The following NOVA1 variants were observed in gnomAD, a reference collection of about 807,000 sequenced individuals.
NOVA1 encodes the protein RNA-binding protein Nova-1.
NOVA1 carries 7 observed loss-of-function variants against 38.0 expected under a neutral mutation model. That is an observed-to-expected ratio of 0.18 (90% CI 0.10 to 0.35). NOVA1 has a LOEUF of 0.35. NOVA1 is among the 10% of genes least tolerant of loss of function. The pLI, the probability that NOVA1 is intolerant of heterozygous loss-of-function variation, is 1.00. For missense variants in NOVA1, 460 were observed against 616.0 expected (o/e 0.75, Z 2.68); for synonymous variants, 270 against 232.5 (o/e 1.16, Z -1.47).
At chr14:26,596,610 T>A (rs1272621248) in intron 1 of NOVA1, 1 of 1,289,110 alleles carries the variant, frequency 7.8e-7, no homozygotes, top group South Asian at 1.2e-5. Context: ...TTAAGATGAT[T>A]CCAGTGCAAA....
chr14:26,590,533 T>A (rs1594592861), intron 2 of NOVA1, among the ~76,000 whole-genome samples: 2 of 151,992 alleles, frequency 1.3e-5, no homozygotes, highest in South Asian at 2.1e-4. Flanking sequence ...AATAATTTTT[T>A]AAAAAATTAA....
chr14:26,476,449 A>T (rs1884992132), intron 3 of NOVA1, among the ~76,000 whole-genome samples: 1 of 152,130 alleles, frequency 6.6e-6, no homozygotes, highest in Admixed American at 6.5e-5. Context: ...GCTCCCTAAC[A>T]TCTATCTAAC....
At chr14:26,560,302 T>C (rs1327004967) in intron 2 of NOVA1, among the ~76,000 whole-genome samples, 1 of 152,132 alleles carries the variant, frequency 6.6e-6, no homozygotes, top group Non-Finnish European at 1.5e-5. Context: ...TCAGTAATTG[T>C]ATAAATTTAG....
intron 2 of NOVA1, among the ~76,000 whole-genome samples, chr14:26,546,083 ATC>A (rs1890773410): frequency 4.6e-5 from 7 of 152,142 alleles, no homozygotes; most frequent in Admixed American, 4.6e-4. Context: ...TGAGTATTAT[ATC>A]TCCATTAATC....
At chr14:26,560,270 T>C (rs1891741678) in intron 2 of NOVA1, among the ~76,000 whole-genome samples, 1 of 152,134 alleles carries the variant, frequency 6.6e-6, no homozygotes, top group South Asian at 2.1e-4. Context: ...TACCACAAAG[T>C]TGTGGAAATG....
chr14:26,594,633 T>C (rs968755961), intron 2 of NOVA1: 2 of 151,900 alleles, frequency 1.3e-5, no homozygotes, highest in African/African-American at 4.8e-5. Flanking sequence ...AAAATACATA[T>C]AGTGATTAGC....
chr14:26,587,608 G>A (rs1471091154), intron 2 of NOVA1, among the ~76,000 whole-genome samples: 2 of 151,018 alleles, frequency 1.3e-5, no homozygotes, highest in East Asian at 3.9e-4. Flanking sequence ...AAAAACATGG[G>A]TTATCCAAAG....
At chr14:26,584,301 T>G (rs1893391730) in intron 2 of NOVA1, among the ~76,000 whole-genome samples, 1 of 151,464 alleles carries the variant, frequency 6.6e-6, no homozygotes. Context: ...TTCTATTTCC[T>G]AAGCAGAAAG....
intron 2 of NOVA1, among the ~76,000 whole-genome samples, chr14:26,554,376 C>A (rs2138656529): frequency 6.6e-6 from 1 of 152,048 alleles, no homozygotes; most frequent in Non-Finnish European, 1.5e-5. Context: ...CAAAACAGAT[C>A]ATTCTCCACT....
chr14:26,508,296 C>T (rs1887795110), intron 2 of NOVA1, among the ~76,000 whole-genome samples: 1 of 151,846 alleles, frequency 6.6e-6, no homozygotes, highest in Non-Finnish European at 1.5e-5. Flanking sequence ...ATATAATTTT[C>T]CTAAGTGTTG....
intron 2 of NOVA1, among the ~76,000 whole-genome samples, chr14:26,527,504 CA>C (rs979733985): frequency 2.0e-5 from 3 of 150,458 alleles, no homozygotes; most frequent in African/African-American, 7.3e-5. Flanking sequence ...CAAAACAAAA[CA>C]AACAAATAAA....
In NOVA1 at chr14:26,446,709, A is replaced by G. The variant is rs1187568459; in HGVS notation, c.*1250T>C. On this transcript the variant is annotated 3_prime_UTR_variant, in exon 5 of 5. Transcript: ENST00000539517. The stretch of plus-strand genomic sequence containing the variant: ...CAGGAGAGGTACAGAAGAGGGTGAC[A>G]GTTGTTGGGTCTTGGGAACAAAGGC... The G allele has an allele frequency of 6.5e-6, 1 of 152,698 alleles. No individual in the cohort carries two copies. Among genetic ancestry groups the G allele is most frequent in the Non-Finnish European group, 1.5e-5 (1 of 68,126 alleles). The allele number at this position is 152,698 out of a possible 1,614,324, so 9.5% of individuals were successfully genotyped here. A position where few individuals can be genotyped will look rare whatever the true frequency, so the allele number is the denominator to read the frequency against.
intron 2 of NOVA1, among the ~76,000 whole-genome samples, chr14:26,530,077 G>A (rs981198609): frequency 6.6e-6 from 1 of 152,044 alleles, no homozygotes. Context: ...CCGCCACCAC[G>A]CCTGGCTAAT....
At chr14:26,471,161 C>T (rs17111266) in intron 4 of NOVA1, among the ~76,000 whole-genome samples, 3,656 of 151,974 alleles carry the variant, frequency 0.024, 146 homozygotes, top group African/African-American at 0.084. Flanking sequence ...GAAGGGAACG[C>T]TATTGCATAA....
intron 2 of NOVA1, among the ~76,000 whole-genome samples, chr14:26,524,648 T>C (rs769677833): frequency 4.6e-5 from 7 of 152,138 alleles, no homozygotes; most frequent in African/African-American, 1.4e-4. Context: ...TGTCAGAATA[T>C]TCAGTAAGTT....
Position 26,511,050 on chromosome 14 carries a change from T to C in NOVA1, c.281-30907A>G. Among the ~76,000 whole-genome samples, 5 of 152,028 alleles carry C rather than the reference T, an allele frequency of 3.3e-5. No homozygotes were observed. In the South Asian group the frequency reaches 1.0e-3, roughly 32 times the overall value. On this transcript the variant is annotated intron_variant, in intron 2 of 4. Transcript: ENST00000539517. ...TGCTGCAAATACACATTCAGTTAAC[T>C]GTACTGTGTCCTCCATAAGAACGTA...
intron 2 of NOVA1, among the ~76,000 whole-genome samples, chr14:26,531,398 G>A (rs748769169): frequency 2.0e-5 from 3 of 151,944 alleles, no homozygotes; most frequent in Non-Finnish European, 2.9e-5. Flanking sequence ...ACCTGAGGTC[G>A]GGAGTTTGAG....
chr14:26,590,359 A>G (rs564449662), intron 2 of NOVA1, among the ~76,000 whole-genome samples: 1 of 152,070 alleles, frequency 6.6e-6, no homozygotes, highest in South Asian at 2.1e-4. Context: ...TTTGAAAAGC[A>G]GAACTTACTC....
intron 2 of NOVA1, among the ~76,000 whole-genome samples, chr14:26,576,986 G>A (rs896396262): frequency 1.3e-5 from 2 of 151,742 alleles, no homozygotes; most frequent in African/African-American, 4.8e-5. Context: ...CTGCATGTTT[G>A]TACCTTTTGA....
Sources: gnomAD v4.1 joint callset for allele counts (sites outside exome capture counted in the v4.1 genomes callset) on GRCh38, gnomAD v4.1.1 for gene constraint, MANE v1.5 for transcripts, NCBI Gene and HGNC (gene_info 2026-07-23, HGNC 2026-07-21) for gene names.